Variants in FBXO10 observed in about 807,000 individuals in gnomAD.
FBXO10 encodes F-box protein 10, also known as F-box only protein 10.
A neutral mutation model predicts 80.7 loss-of-function variants in FBXO10; 39 were observed. The ratio of observed to expected loss-of-function variants is 0.48; its 90% CI spans 0.37 to 0.63. FBXO10 has a LOEUF of 0.63. FBXO10 is among the 30% of genes least tolerant of loss of function. The pLI, the probability that FBXO10 is intolerant of heterozygous loss-of-function variation, is 0.00. For missense variants in FBXO10, 1,025 were observed against 1,269.0 expected (o/e 0.81, Z 2.92); for synonymous variants, 449 against 489.6 (o/e 0.92, Z 1.09).
intron 1 of FBXO10, among the ~76,000 whole-genome samples, chr9:37,550,377 G>A (rs1193504655): frequency 6.6e-6 from 1 of 150,860 alleles, no homozygotes; most frequent in African/African-American, 2.4e-5. Context: ...GGGAGATGGG[G>A]TTTCATCGTG....
rs1821071066 is a variant in FBXO10, at chr9:37,512,104, G to A, written c.*443C>T. The A allele has an allele frequency of 6.5e-6, 1 of 152,926 alleles. No homozygotes were observed. The highest frequency in any genetic ancestry group is 1.5e-5 in the Non-Finnish European group (1 of 68,624). 9.5% of individuals were successfully genotyped at this position (152,926 alleles called of 1,614,324 possible). On this transcript the variant is annotated 3_prime_UTR_variant, in exon 11 of 11. Transcript: ENST00000432825. ...GTGGGGTCCCTGGAGGGATTGAGAGGGAGACAGCTCTAGCAAAGGGGAAAA... is the reference window on the plus strand; with the variant it reads ...GTGGGGTCCCTGGAGGGATTGAGAGAGAGACAGCTCTAGCAAAGGGGAAAA...
chr9:37,548,809 C>T (rs1158933734), intron 1 of FBXO10, among the ~76,000 whole-genome samples: 3 of 151,994 alleles, frequency 2.0e-5, no homozygotes, highest in African/African-American at 2.4e-5. Context: ...AGTGCAGTGG[C>T]GCCATCTCGG....
chr9:37,557,139 T>C (rs555342164), intron 1 of FBXO10, among the ~76,000 whole-genome samples: 1 of 152,346 alleles, frequency 6.6e-6, no homozygotes, highest in South Asian at 2.1e-4. Context: ...ATTCTGATTT[T>C]TCCCAGGCTA....
At chr9:37,516,333 G>A (rs969445716) in intron 9 of FBXO10, among the ~76,000 whole-genome samples, 63 of 152,334 alleles carry the variant, frequency 4.1e-4, no homozygotes, top group African/African-American at 1.5e-3. Flanking sequence ...GTTGCAGGAA[G>A]GAGAAACAAT....
intron 1 of FBXO10, among the ~76,000 whole-genome samples, chr9:37,565,640 T>G (rs1196947007): frequency 6.6e-6 from 1 of 152,228 alleles, no homozygotes; most frequent in African/African-American, 2.4e-5. Flanking sequence ...TGAGAAGCAA[T>G]GACTGAAATT....
intron 5 of FBXO10, among the ~76,000 whole-genome samples, chr9:37,528,401 G>A (rs144807189): frequency 2.8e-4 from 42 of 152,212 alleles, no homozygotes; most frequent in East Asian, 9.6e-4. Flanking sequence ...TCAAGCCACC[G>A]TCAACGGTTT....
intron 3 of FBXO10, 32 bp downstream of exon 3, chr9:37,537,078 G>A: frequency 6.6e-7 from 1 of 1,516,860 alleles, no homozygotes; most frequent in Non-Finnish European, 9.0e-7. Flanking sequence ...AGCCACAGGA[G>A]CCCCCTGACC....
intron 1 of FBXO10, among the ~76,000 whole-genome samples, chr9:37,545,412 T>C (rs187574673): frequency 6.6e-6 from 1 of 152,198 alleles, no homozygotes; most frequent in Admixed American, 6.5e-5. Context: ...CTCCTAACCT[T>C]GTGATCTGCC....
At chr9:37,528,595 C>T (rs1425069960) in intron 5 of FBXO10, among the ~76,000 whole-genome samples, 1 of 152,220 alleles carries the variant, frequency 6.6e-6, no homozygotes, top group Non-Finnish European at 1.5e-5. Context: ...GAATGAGTCT[C>T]TCCTTCTGGT....
intron 1 of FBXO10, among the ~76,000 whole-genome samples, chr9:37,562,291 A>T (rs1315365885): frequency 6.6e-6 from 1 of 152,202 alleles, no homozygotes; most frequent in African/African-American, 2.4e-5. Flanking sequence ...AGTTGAGTAT[A>T]AAGTGAAGCC....
chr9:37,573,156 G>C (rs750168714), intron 1 of FBXO10, among the ~76,000 whole-genome samples: 1 of 152,180 alleles, frequency 6.6e-6, no homozygotes, highest in Non-Finnish European at 1.5e-5. Context: ...TTGCCAAAGG[G>C]ATTTGGGTTA....
intron 1 of FBXO10, among the ~76,000 whole-genome samples, chr9:37,567,148 C>CTTT (rs111249142): frequency 2.9e-5 from 4 of 136,870 alleles, no homozygotes; most frequent in South Asian, 2.3e-4. Flanking sequence ...TTCTTTTTTT[C>CTTT]TTTTTTTTTT....
At chr9:37,516,220 CAAAG>C in intron 9 of FBXO10, 135 bp from the exon 10 acceptor site, 1 of 927,058 alleles carries the variant, frequency 1.1e-6, no homozygotes, top group Non-Finnish European at 1.6e-6. Flanking sequence ...CCTATGAGCT[CAAAG>C]AAGGGCACCA....
chr9:37,548,827 C>A (rs2119149740), intron 1 of FBXO10, among the ~76,000 whole-genome samples: 1 of 152,260 alleles, frequency 6.6e-6, no homozygotes, highest in Middle Eastern at 3.4e-3. Flanking sequence ...CGGCTCACTG[C>A]AACCTCTTCC....
At chr9:37,545,606 C>A (rs937955018) in intron 1 of FBXO10, among the ~76,000 whole-genome samples, 3 of 152,176 alleles carry the variant, frequency 2.0e-5, no homozygotes, top group Non-Finnish European at 4.4e-5. Context: ...AAATGTCTAG[C>A]CCCAATCATC....
Position 37,543,754 on chromosome 9 carries a change from T to C in FBXO10, c.-6-1980A>G, listed in dbSNP as rs183045409. Among the ~76,000 whole-genome samples, 153 of 152,300 alleles carry C rather than the reference T, an allele frequency of 1.0e-3. 1 individual carries two copies. Among genetic ancestry groups the C allele is most frequent in the Admixed American group, 1.8e-3 (27 of 15,280 alleles). On this transcript the variant is annotated intron_variant, in intron 1 of 10. Transcript: ENST00000432825. ...AGGTCTCTCATTTATGAGTGTCAAT[T>C]TTCCCACTTAAAAAACAAAGGGCCA...
At chr9:37,560,691 T>A (rs746628112) in intron 1 of FBXO10, among the ~76,000 whole-genome samples, 6 of 152,138 alleles carry the variant, frequency 3.9e-5, no homozygotes, top group Non-Finnish European at 5.9e-5. Flanking sequence ...CACTGGGGCC[T>A]CTGCATGTGG....
intron 1 of FBXO10, among the ~76,000 whole-genome samples, chr9:37,542,468 G>A (rs928043019): frequency 6.6e-6 from 1 of 151,860 alleles, no homozygotes; most frequent in Non-Finnish European, 1.5e-5. Flanking sequence ...GGTGGTGCAT[G>A]CCTGTAATCC....
intron 10 of FBXO10, chr9:37,515,650 T>C (rs534293319): frequency 3.4e-5 from 13 of 386,398 alleles, no homozygotes; most frequent in African/African-American, 2.5e-4. Flanking sequence ...TTGCCCAAGG[T>C]CACACAGCCA....
Sources: allele counts gnomAD v4.1 joint callset (sites outside exome capture counted in the v4.1 genomes callset), GRCh38; gene constraint gnomAD v4.1.1; transcripts MANE v1.5; gene names NCBI Gene and HGNC (gene_info 2026-07-23, HGNC 2026-07-21).